Variants in SEPTIN9 observed in about 807,000 individuals in gnomAD.
The protein encoded by SEPTIN9 is septin-9.
SEPTIN9 carries 13 observed loss-of-function variants against 56.6 expected under a neutral mutation model. That is an observed-to-expected ratio of 0.23 (90% CI 0.15 to 0.37). The LOEUF is 0.37. SEPTIN9 is among the 10% of genes least tolerant of loss of function. The probability of loss-of-function intolerance (pLI) is 1.00; values close to 1 mark genes in which losing one functional copy is unlikely to be tolerated. For synonymous variants in SEPTIN9, 332 were observed against 334.1 expected, an observed-to-expected ratio of 0.99 and a Z score of 0.07; for missense variants, 650 against 823.1, an observed-to-expected ratio of 0.79 and a Z score of 2.57.
At position 77,460,176 on chromosome 17, in the gene SEPTIN9, G is replaced by A. The variant is rs371138950; in HGVS notation, c.722-21968G>A. On this transcript the variant is annotated intron_variant, in intron 3 of 11. Transcript: ENST00000427177. ...TCACACGTGACCTCTCTGTGCGTGC[G>A]TCAGTTTCTACATCTGGTTAAGCAG... Among the ~76,000 whole-genome samples the A allele has an allele frequency of 2.2e-3, 332 of 152,156 alleles. 2 individuals carry two copies. The Middle Eastern group carries it at 0.027, about 12-fold the overall frequency.
intron 2 of SEPTIN9, among the ~76,000 whole-genome samples, chr17:77,346,116 A>G (rs958975682): frequency 6.6e-6 from 1 of 151,538 alleles, no homozygotes; most frequent in East Asian, 1.9e-4. Context: ...TAATTTTTGT[A>G]TTTTTAGTAG....
Position 77,402,245 on chromosome 17 carries a change from C to A in SEPTIN9, c.263C>A (p.Ala88Glu). 1 of 1,613,266 alleles carries A rather than the reference C, an allele frequency of 6.2e-7. No individual in the cohort carries two copies. The highest frequency in any genetic ancestry group is 8.5e-7 in the Non-Finnish European group (1 of 1,179,862). The change falls in exon 3 of 12, where the codon GCG (alanine) becomes GAG (glutamate). Residue 88 changes from alanine to glutamate, a missense_variant. Ala to Glu is a moderately radical substitution (Grantham distance 107). Transcript: ENST00000427177. This position sits in a 1 kb window ranked among gnomAD's most constrained non-coding sequence, Gnocchi z 6.6. ...TCCCTAAGCCAACGCTCCCCCAAGG[C>A]GTCCCTGCGGAGGGTGGAGCTCTCG... ...VDSLSQRSPK[A>E]SLRRVELSGP...
rs893603295 is a variant in SEPTIN9 at position 77,367,467 on chromosome 17, A to G, written c.77-34592A>G. Reference sequence around the variant, plus strand: ...GAACAGGTGTGTGTGGAGTCCCTAAAGCCACTGTCTCAAGGGGTCTCATGG... The same window carrying G: ...GAACAGGTGTGTGTGGAGTCCCTAAGGCCACTGTCTCAAGGGGTCTCATGG... On this transcript the variant is annotated intron_variant, in intron 2 of 11. Coordinates refer to ENST00000427177, the MANE Select transcript of SEPTIN9 (RefSeq NM_001113491.2). This position sits in a 1 kb window ranked among gnomAD's most constrained non-coding sequence, Gnocchi z 4.5. Among the ~76,000 whole-genome samples, 1 of 152,150 alleles carries G rather than the reference A, an allele frequency of 6.6e-6. No homozygotes were observed. The highest frequency in any genetic ancestry group is 1.5e-5 in the Non-Finnish European group (1 of 68,022).
chr17:77,382,760 G>C (rs544687796), intron 2 of SEPTIN9, among the ~76,000 whole-genome samples: 74 of 152,332 alleles, frequency 4.9e-4, no homozygotes, highest in African/African-American at 1.6e-3. Context: ...GGGGTCGGGT[G>C]GGGGAGGAGA....
chr17:77,288,540 C>T (rs1039478291), intron 1 of SEPTIN9, among the ~76,000 whole-genome samples: 3 of 152,242 alleles, frequency 2.0e-5, no homozygotes, highest in Non-Finnish European at 2.9e-5. Flanking sequence ...CAACCTGATC[C>T]GCACCCTGGG....
At chr17:77,498,398 G>A (rs2040363775) in intron 11 of SEPTIN9, 125 bp from the exon 12 acceptor site, 5 of 669,774 alleles carry the variant, frequency 7.5e-6, no homozygotes, top group East Asian at 2.7e-5. Context: ...CCAAGCAGTC[G>A]GGATGGGGAG....
rs1019947550 is a variant in SEPTIN9, at chr17:77,476,890, G to T, written c.722-5254G>T. On this transcript the variant is annotated intron_variant, in intron 3 of 11. Coordinates refer to ENST00000427177, the MANE Select transcript of SEPTIN9 (RefSeq NM_001113491.2). This position sits in a 1 kb window ranked among gnomAD's most constrained non-coding sequence, Gnocchi z 6.0. ...AGCTGTCCTCTGAGCTGTAAAGCTG[G>T]CTCCTGGGCACTTGTGGAAAACACT... is the stretch of plus-strand genomic sequence containing the variant. Among the ~76,000 whole-genome samples, 12 of 152,192 alleles carry T rather than the reference G, an allele frequency of 7.9e-5. No individual in the cohort carries two copies. The highest frequency in any genetic ancestry group is 7.3e-5 in the Non-Finnish European group (5 of 68,038).
chr17:77,410,142 G>A (rs552178794), intron 3 of SEPTIN9, among the ~76,000 whole-genome samples: 3 of 152,064 alleles, frequency 2.0e-5, no homozygotes, highest in Admixed American at 6.5e-5. Context: ...CTTCCTTCCC[G>A]TTCTCTCTGA....
At chr17:77,393,315 T>G (rs1327063556) in intron 2 of SEPTIN9, among the ~76,000 whole-genome samples, 1 of 152,190 alleles carries the variant, frequency 6.6e-6, no homozygotes, top group African/African-American at 2.4e-5. Flanking sequence ...ACTTCAGTTC[T>G]TGGCCAAGGA....
intron 1 of SEPTIN9, among the ~76,000 whole-genome samples, chr17:77,290,301 A>C (rs1456874999): frequency 1.4e-5 from 2 of 143,266 alleles, no homozygotes; most frequent in African/African-American, 5.3e-5. Context: ...TCTGTTGCCC[A>C]GGCTGGAGTG....
chr17:77,487,656 G>T lies in SEPTIN9; in HGVS notation c.1042+104G>T. On this transcript the variant is annotated intron_variant, in intron 5 of 11. Transcript: ENST00000427177. The surrounding 1 kb of genome is among the most constrained non-coding windows in gnomAD (Gnocchi z 4.3). ...ACACACAGTCAGTGGCCAGGGGCGG[G>T]CTGGGGGTGCAGGACTCCTCTGCCT... 3.4e-6 allele frequency: 3 copies of T among 883,088 alleles called. 1 individual carries two copies. The highest frequency in any genetic ancestry group is 4.7e-6 in the Non-Finnish European group (3 of 636,174). 54.7% of individuals were successfully genotyped at this position (883,088 alleles called of 1,614,324 possible).
At chr17:77,459,638 A>G (rs1021823669) in intron 3 of SEPTIN9, among the ~76,000 whole-genome samples, 4 of 152,102 alleles carry the variant, frequency 2.6e-5, no homozygotes, top group African/African-American at 9.7e-5. Flanking sequence ...GGGAGGCCCC[A>G]GGAAGCTTTT....
intron 3 of SEPTIN9, among the ~76,000 whole-genome samples, chr17:77,458,295 C>T (rs1168512536): frequency 1.3e-5 from 2 of 152,174 alleles, no homozygotes; most frequent in African/African-American, 2.4e-5. Context: ...CCAGCCAGGG[C>T]GGGGTCCCAA....
At chr17:77,366,036 C>T (rs1031495427) in intron 2 of SEPTIN9, among the ~76,000 whole-genome samples, 6 of 152,080 alleles carry the variant, frequency 3.9e-5, no homozygotes, top group African/African-American at 1.2e-4. Flanking sequence ...GCCCCAGGGA[C>T]AGCCTGTTTC....
chr17:77,382,272 G>A (rs900214426), intron 2 of SEPTIN9, among the ~76,000 whole-genome samples: 2 of 152,176 alleles, frequency 1.3e-5, no homozygotes, highest in Admixed American at 1.3e-4. Flanking sequence ...CAGGTGATCC[G>A]CCCACCTTGG....
chr17:77,418,350 T>C (rs2036575912), intron 3 of SEPTIN9, among the ~76,000 whole-genome samples: 2 of 151,234 alleles, frequency 1.3e-5, no homozygotes, highest in Non-Finnish European at 3.0e-5. Flanking sequence ...GCTCTGCTCT[T>C]TTTTTTTCTT....
intron 2 of SEPTIN9, among the ~76,000 whole-genome samples, chr17:77,346,278 CTTTTTT>C (rs577131369): frequency 0.027 from 1,268 of 46,278 alleles, 11 homozygotes; most frequent in Admixed American, 0.046. Context: ...ATCCTTAGGT[CTTTTTT>C]TTTTTTTTTT....
rs1164061588 is a variant in SEPTIN9, at chr17:77,436,634, C to T, written c.721+33931C>T. On this transcript the variant is annotated intron_variant, in intron 3 of 11. Coordinates refer to ENST00000427177, the MANE Select transcript of SEPTIN9 (RefSeq NM_001113491.2). The surrounding 1 kb of genome is among the most constrained non-coding windows in gnomAD (Gnocchi z 4.4). Reference sequence around the variant, plus strand: ...TCTCCTGCCCCGCTGGAGGGAGTGACCTGGCCCCTGGCCCCGGCCACCTAC... The same window carrying T: ...TCTCCTGCCCCGCTGGAGGGAGTGATCTGGCCCCTGGCCCCGGCCACCTAC... 2.0e-5 allele frequency among the ~76,000 whole-genome samples: 3 copies of T among 152,232 alleles called. No individual in the cohort carries two copies.
chr17:77,408,216 T>A (rs1398525237), intron 3 of SEPTIN9, among the ~76,000 whole-genome samples: 2 of 152,170 alleles, frequency 1.3e-5, no homozygotes, highest in African/African-American at 2.4e-5. Context: ...CTCAATTTCT[T>A]GATCTGTCAA....
Sources: gnomAD v4.1 joint callset for allele counts (sites outside exome capture counted in the v4.1 genomes callset) on GRCh38, gnomAD v4.1.1 for gene constraint, Gnocchi (gnomAD v3.1) non-coding constraint, MANE v1.5 for transcripts, NCBI Gene and HGNC (gene_info 2026-07-23, HGNC 2026-07-21) for gene names.